DLC1: variants seen among roughly 807,000 people sequenced by gnomAD.
DLC1 encodes rho GTPase-activating protein 7.
Under a neutral mutation model 140.3 loss-of-function variants are expected in DLC1, and 54 were observed. That is an observed-to-expected ratio of 0.38 (90% confidence interval 0.31 to 0.48). DLC1 has a LOEUF of 0.48. Among genes scored for constraint, DLC1 ranks in the 20% least tolerant of loss-of-function variants. The probability of loss-of-function intolerance (pLI) is 0.96; values close to 1 mark genes in which losing one functional copy is unlikely to be tolerated. For synonymous variants in DLC1, 986 were observed against 728.1 expected, an observed-to-expected ratio of 1.35 and a Z score of -5.70; for missense variants, 2,536 against 1,907.0, an observed-to-expected ratio of 1.33 and a Z score of -6.14.
intron 5 of DLC1, among the ~76,000 whole-genome samples, chr8:13,244,141 C>A (rs1165778720): frequency 2.6e-5 from 4 of 152,220 alleles, no homozygotes; most frequent in African/African-American, 7.2e-5. Flanking sequence ...TTTTTCAAAC[C>A]CATTCCCTAC....
In DLC1 at chr8:13,365,779, T is replaced by TA. The variant is rs529469102; in HGVS notation, c.1314+27773dup. Among the ~76,000 whole-genome samples, 433 of 151,980 alleles carry TA rather than the reference T, an allele frequency of 2.8e-3. 2 individuals are homozygous for TA. The highest frequency in any genetic ancestry group is 4.5e-3 in the Non-Finnish European group (307 of 67,958). On this transcript the variant is annotated intron_variant, in intron 4 of 17. Coordinates refer to ENST00000276297, the MANE Select transcript of DLC1 (RefSeq NM_182643.3). ...GAATAGGGTTGTTATTTAAAAAAAT[T>TA]AAAAAAAATCACTCAACTGCTAATG... is the stretch of plus-strand genomic sequence containing the variant.
chr8:13,509,827 G>C (rs1198359566), intron 1 of DLC1, among the ~76,000 whole-genome samples: 2 of 152,020 alleles, frequency 1.3e-5, no homozygotes, highest in Non-Finnish European at 2.9e-5. Flanking sequence ...TGGTGATTAG[G>C]GTTAGTTACC....
chr8:13,265,036 C>G (rs1483196347), intron 5 of DLC1, among the ~76,000 whole-genome samples: 1 of 152,200 alleles, frequency 6.6e-6, no homozygotes, highest in Non-Finnish European at 1.5e-5. Flanking sequence ...TTCTGACCTT[C>G]AGAGCTCAAT....
At chr8:13,123,346 T>G (rs1277593002) in intron 5 of DLC1, among the ~76,000 whole-genome samples, 4 of 132,890 alleles carry the variant, frequency 3.0e-5, no homozygotes, top group African/African-American at 8.8e-5. Flanking sequence ...CCCCCGCACC[T>G]TTTTGGTTGT....
At chr8:13,276,194 C>G in intron 5 of DLC1, 2 of 1,516,418 alleles carry the variant, frequency 1.3e-6, no homozygotes, top group South Asian at 1.2e-5. Flanking sequence ...ATCACTGCGT[C>G]TTCGCAGTAA....
intron 5 of DLC1, among the ~76,000 whole-genome samples, chr8:13,196,652 T>C (rs1369062123): frequency 6.6e-6 from 1 of 152,232 alleles, no homozygotes; most frequent in Admixed American, 6.5e-5. Flanking sequence ...TGGAAACAAG[T>C]TCTCCAGGGA....
rs150265902 is a variant in DLC1, at chr8:13,452,716, CT to C, written c.1023+46332del. Among the ~76,000 whole-genome samples, 1,023 of 152,270 alleles carry C rather than the reference CT, an allele frequency of 6.7e-3. 14 individuals carry two copies. Among genetic ancestry groups the C allele is most frequent in the African/African-American group, 0.024 (978 of 41,562 alleles). Reference sequence around the variant, plus strand: ...CAAAACTTGCAATTTTGCTACCCCCCTGATTAATCCAAACCATGCTGATCTC... The same window carrying C: ...CAAAACTTGCAATTTTGCTACCCCCCGATTAATCCAAACCATGCTGATCTC... On this transcript the variant is annotated intron_variant, in intron 2 of 17. Transcript: ENST00000276297.
chr8:13,099,699 C>T lies in DLC1; in HGVS notation c.2638G>A (p.Asp880Asn), dbSNP rs1431231918. ...TAGAGGATGGAGCCCGGCACGTTGT[C>T]GTAGATGCTCAGGCGGCTGCTCATG... Reference protein sequence around the residue: ...SSMSSRLSIYDNVPGSILYSS... With the variant: ...SSMSSRLSIYNNVPGSILYSS... Residue 880 changes from aspartate (D) to asparagine (N), a missense_variant, in exon 9 of 18, where the codon GAC becomes AAC. Physicochemically the swap from Asp to Asn is conservative, Grantham distance 23. Transcript: ENST00000276297. 1 of 1,614,124 alleles carries T rather than the reference C, an allele frequency of 6.2e-7. No individual in the cohort carries two copies. Among genetic ancestry groups the T allele is most frequent in the Non-Finnish European group, 8.5e-7 (1 of 1,180,028 alleles).
At chr8:13,439,445 T>C (rs1414294931) in intron 2 of DLC1, among the ~76,000 whole-genome samples, 1 of 152,194 alleles carries the variant, frequency 6.6e-6, no homozygotes, top group Non-Finnish European at 1.5e-5. Flanking sequence ...CACTCCATTT[T>C]CTTTTATTCA....
At chr8:13,548,616 G>C (rs1023346427) in intron 1 of DLC1, among the ~76,000 whole-genome samples, 1 of 152,010 alleles carries the variant, frequency 6.6e-6, no homozygotes, top group Admixed American at 6.6e-5. Context: ...ATAGACTTTA[G>C]GAGACTGTCC....
At chr8:13,431,706 G>C (rs1313356797) in intron 2 of DLC1, among the ~76,000 whole-genome samples, 2 of 151,924 alleles carry the variant, frequency 1.3e-5, no homozygotes, top group African/African-American at 2.4e-5. Flanking sequence ...TTGTGGTCAG[G>C]GGGATACGGA....
At chr8:13,358,322 G>A (rs1305091828) in intron 4 of DLC1, among the ~76,000 whole-genome samples, 1 of 152,158 alleles carries the variant, frequency 6.6e-6, no homozygotes, top group African/African-American at 2.4e-5. Context: ...TAAATTGGAT[G>A]TTGATTTCAA....
At chr8:13,557,904 C>T (rs1804105000) in intron 1 of DLC1, 1 of 152,186 alleles carries the variant, frequency 6.6e-6, no homozygotes, top group Non-Finnish European at 1.5e-5. Flanking sequence ...TCGGGGCATA[C>T]ACACAAACCA....
At chr8:13,567,359 A>C in intron 1 of DLC1, 1 of 1,551,756 alleles carries the variant, frequency 6.4e-7, no homozygotes, top group Non-Finnish European at 8.7e-7. Flanking sequence ...AATGCCCTGC[A>C]GTCTTATTGC....
chr8:13,197,631 C>G (rs1023940997), intron 5 of DLC1, among the ~76,000 whole-genome samples: 1 of 151,984 alleles, frequency 6.6e-6, no homozygotes, highest in African/African-American at 2.4e-5. Flanking sequence ...CAGGTGTGAG[C>G]CAGCGTGCCA....
chr8:13,132,871 C>G (rs1822232647), intron 5 of DLC1: 1 of 1,544,262 alleles, frequency 6.5e-7, no homozygotes, highest in Non-Finnish European at 8.8e-7. Flanking sequence ...CGGGGTGACA[C>G]TTTCTCGCGG....
At chr8:13,586,625 A>ACACACC (rs71541615) in intron 1 of DLC1, among the ~76,000 whole-genome samples, 1 of 135,896 alleles carries the variant, frequency 7.4e-6, no homozygotes, top group Non-Finnish European at 1.5e-5. Flanking sequence ...ACACACACAC[A>ACACACC]CCTGCATGTA....
At chr8:13,237,183 G>GTGTA (rs1395496368) in intron 5 of DLC1, among the ~76,000 whole-genome samples, 1 of 135,646 alleles carries the variant, frequency 7.4e-6, no homozygotes, top group African/African-American at 2.7e-5. Flanking sequence ...GAGGATGTGT[G>GTGTA]TATATATATA....
At chr8:13,307,774 T>C (rs1586107427) in intron 4 of DLC1, among the ~76,000 whole-genome samples, 1 of 152,156 alleles carries the variant, frequency 6.6e-6, no homozygotes, top group African/African-American at 2.4e-5. Flanking sequence ...ACCACATCTT[T>C]AGAACACCCT....
Sources: gnomAD v4.1 joint callset for allele counts (sites outside exome capture counted in the v4.1 genomes callset) on GRCh38, gnomAD v4.1.1 for gene constraint, MANE v1.5 for transcripts, NCBI Gene and HGNC (gene_info 2026-07-23, HGNC 2026-07-21) for gene names.